Variants in ATRX observed in about 807,000 individuals in gnomAD.
The protein encoded by ATRX is ATRX chromatin remodeler, also known as chromatin remodeler ATRX.
ATRX carries 12 observed loss-of-function variants against 172.6 expected under a neutral mutation model. That is an observed-to-expected ratio of 0.07 (90% CI 0.04 to 0.11). The LOEUF (loss-of-function observed/expected upper bound fraction) is 0.11. ATRX is among the 10% of genes least tolerant of loss of function. The probability of loss-of-function intolerance (pLI) is 1.00; values close to 1 mark genes in which losing one functional copy is unlikely to be tolerated. For missense variants in ATRX, 1,368 were observed against 1,767.4 expected, an observed-to-expected ratio of 0.77 and a Z score of 4.05; for synonymous variants, 674 against 594.7, an observed-to-expected ratio of 1.13 and a Z score of -1.94.
At chrX:77,551,437 C>A (rs1462596364) in intron 30 of ATRX, among the ~76,000 whole-genome samples, 2 of 111,956 alleles carry the variant, frequency 1.8e-5, no homozygotes, top group Admixed American at 1.9e-4. Flanking sequence ...GGAACTGGAT[C>A]CCTTCCTTAC....
chrX:77,722,899 C>T (rs112371995), intron 1 of ATRX, among the ~76,000 whole-genome samples: 1,308 of 111,813 alleles, frequency 0.012, 10 homozygotes, highest in Middle Eastern at 0.018. Context: ...CACATGTTTA[C>T]TGCAGCACTA....
intron 34 of ATRX, among the ~76,000 whole-genome samples, chrX:77,509,838 C>T (rs1397948629): frequency 2.0e-5 from 2 of 102,051 alleles, no homozygotes; most frequent in Non-Finnish European, 3.9e-5. Context: ...CCTAAATAAA[C>T]CTGAAAGGCA....
intron 1 of ATRX, among the ~76,000 whole-genome samples, chrX:77,773,218 T>C (rs1487053909): frequency 2.7e-5 from 3 of 110,302 alleles, no homozygotes; most frequent in Non-Finnish European, 5.7e-5. Flanking sequence ...CCAATCACTT[T>C]AACATGAAAC....
At chrX:77,592,182 C>A (rs367884339) in intron 26 of ATRX, among the ~76,000 whole-genome samples, 1 of 110,466 alleles carries the variant, frequency 9.1e-6, no homozygotes, top group African/African-American at 3.3e-5. Flanking sequence ...GAGGCTGAGG[C>A]GGGTGGATCA....
intron 15 of ATRX, among the ~76,000 whole-genome samples, chrX:77,640,812 C>G (rs1557110818): frequency 9.0e-6 from 1 of 111,359 alleles, no homozygotes; most frequent in African/African-American, 3.3e-5. Context: ...GAAAAAAGAG[C>G]TACACAAAAA....
intron 1 of ATRX, among the ~76,000 whole-genome samples, chrX:77,745,278 T>C (rs922444614): frequency 9.2e-6 from 1 of 108,996 alleles, no homozygotes; most frequent in African/African-American, 3.4e-5. Context: ...CAAAGAGTTA[T>C]CTGCACTCCC....
At chrX:77,615,987 G>C (rs2067341504) in intron 22 of ATRX, 3 of 751,352 alleles carry the variant, frequency 4.0e-6, no homozygotes, top group African/African-American at 4.7e-5. Flanking sequence ...TGTGAAGACA[G>C]ACATCTTCAG....
intron 10 of ATRX, among the ~76,000 whole-genome samples, chrX:77,673,178 T>C (rs45515291): frequency 0.01 from 1,162 of 111,125 alleles, 18 homozygotes; most frequent in African/African-American, 0.036. Flanking sequence ...ATATTGAACA[T>C]ATAAAGGAAT....
Position 77,681,852 on chromosome X carries a change from C to G in ATRX, c.3404G>C (p.Arg1135Thr), listed in dbSNP as rs781852987. The change falls in exon 9 of 35, where the codon AGG becomes ACG. Residue 1135 changes from arginine (R) to threonine (T), a missense_variant. Arg to Thr is a moderately conservative substitution (Grantham distance 71, BLOSUM62 -1). This residue lies in a region of ATRX where 843 missense variants were observed against 643.1 expected (regional missense o/e 1.31). Transcript: ENST00000373344. ...SDKRLKRIEL[R>T]ERRNLSSKRN... ...CTTTGAACTTAAATTTCTTCTTTCC[C>G]TCAATTCTATTCTTTTCAGTCTCTT... 12 of 1,202,559 alleles carry G rather than the reference C, an allele frequency of 1.0e-5. No individual in the cohort carries two copies. The South Asian group carries it at 2.2e-4, about 22-fold the overall frequency.
intron 6 of ATRX, among the ~76,000 whole-genome samples, chrX:77,690,449 T>A (rs1473533684): frequency 1.8e-5 from 2 of 112,006 alleles, no homozygotes; most frequent in Non-Finnish European, 3.8e-5. Context: ...TTTATGTTGC[T>A]AATATTTTTA....
At chrX:77,569,735 T>C (rs2065338887) in intron 28 of ATRX, among the ~76,000 whole-genome samples, 1 of 111,913 alleles carries the variant, frequency 8.9e-6, no homozygotes, top group Non-Finnish European at 1.9e-5. Flanking sequence ...AAAACACTGA[T>C]GGAAGAAATC....
intron 19 of ATRX, among the ~76,000 whole-genome samples, chrX:77,622,227 G>A (rs782463925): frequency 8.9e-6 from 1 of 111,913 alleles, no homozygotes; most frequent in South Asian, 3.7e-4. Context: ...TCTGCAGCAC[G>A]GTTTGTTACG....
intron 31 of ATRX, among the ~76,000 whole-genome samples, chrX:77,522,844 G>A (rs182829194): frequency 8.9e-6 from 1 of 111,803 alleles, no homozygotes; most frequent in East Asian, 2.8e-4. Context: ...ATATTTTTGT[G>A]TTCTGATATT....
At chrX:77,580,020 C>CT (rs1452566597) in intron 27 of ATRX, among the ~76,000 whole-genome samples, 3 of 111,622 alleles carry the variant, frequency 2.7e-5, no homozygotes, top group African/African-American at 6.5e-5. Context: ...AACTGACATA[C>CT]TAAAGAATGC....
intron 10 of ATRX, among the ~76,000 whole-genome samples, chrX:77,669,900 G>A (rs909803141): frequency 1.8e-5 from 2 of 110,173 alleles, no homozygotes; most frequent in African/African-American, 3.3e-5. Flanking sequence ...GTATCACTAC[G>A]TTGCCCAGGC....
chrX:77,727,684 T>C (rs1313775084), intron 1 of ATRX, among the ~76,000 whole-genome samples: 4 of 102,716 alleles, frequency 3.9e-5, no homozygotes, highest in Admixed American at 2.2e-4. Flanking sequence ...TGTTGGGGGG[T>C]TGGGGGCAAG....
At chrX:77,748,638 G>C (rs1233032907) in intron 1 of ATRX, among the ~76,000 whole-genome samples, 2 of 108,832 alleles carry the variant, frequency 1.8e-5, no homozygotes, top group African/African-American at 6.7e-5. Flanking sequence ...CCAGACTGGA[G>C]TGCAGTGGTG....
At position 77,656,585 on chromosome X, in the gene ATRX, C is replaced by T. The variant is rs782228142; in HGVS notation, c.4189G>A (p.Glu1397Lys). The change falls in exon 13 of 35, where the codon GAA becomes AAA. Residue 1397 changes from glutamate to lysine, a missense_variant. Physicochemically the swap from Glu to Lys is moderately conservative, Grantham distance 56 (BLOSUM62 1). This residue lies in a region of ATRX where 119 missense variants were observed against 131.3 expected (regional missense o/e 0.91). Transcript: ENST00000373344. ...SGVSEEVSESEDEQRPRTRSA... is the reference protein window; with the variant it reads ...SGVSEEVSESKDEQRPRTRSA... ...CTTGTTCTGGGCCGCTGTTCATCTTCGGATTCACTAACTTCTTCACTAACT... is the reference window on the plus strand; with the variant it reads ...CTTGTTCTGGGCCGCTGTTCATCTTTGGATTCACTAACTTCTTCACTAACT... The T allele has an allele frequency of 7.4e-6, 9 of 1,208,435 alleles. No individual in the cohort carries two copies. The highest frequency in any genetic ancestry group is 1.0e-5 in the Non-Finnish European group (9 of 893,723).
chrX:77,632,360 G>A (rs782199157), intron 19 of ATRX, among the ~76,000 whole-genome samples: 1 of 111,054 alleles, frequency 9.0e-6, no homozygotes, highest in South Asian at 3.8e-4. Context: ...CTAGACACTA[G>A]CTTATAATTT....
Sources: allele counts gnomAD v4.1 joint callset (sites outside exome capture counted in the v4.1 genomes callset), GRCh38; gene constraint gnomAD v4.1.1; regional missense constraint gnomAD v4.1.1; transcripts MANE v1.5; gene names NCBI Gene and HGNC (gene_info 2026-07-23, HGNC 2026-07-21).